STK31: variants seen among roughly 807,000 people sequenced by gnomAD.
STK31 encodes the protein serine/threonine-protein kinase 31.
In STK31, 89 loss-of-function variants were observed where a neutral mutation model predicts 129.7. The ratio of observed to expected loss-of-function variants is 0.69; its 90% confidence interval spans 0.58 to 0.82. STK31 has a LOEUF of 0.82. STK31 is among the 40% of genes least tolerant of loss of function. The pLI, the probability that STK31 is intolerant of heterozygous loss-of-function variation, is 0.00. For synonymous variants in STK31, 448 were observed against 395.3 expected (o/e 1.13, Z -1.58); for missense variants, 1,187 against 1,176.4 (o/e 1.01, Z -0.13).
intron 23 of STK31, among the ~76,000 whole-genome samples, chr7:23,819,200 G>T (rs1793643773): frequency 6.6e-6 from 1 of 152,030 alleles, no homozygotes; most frequent in African/African-American, 2.4e-5. Flanking sequence ...TTAATTGTTT[G>T]CACCTAGGGA....
chr7:23,751,318 A>G (rs1360261377), intron 8 of STK31, among the ~76,000 whole-genome samples: 2 of 152,200 alleles, frequency 1.3e-5, no homozygotes. Flanking sequence ...GTGCTGCAGT[A>G]AACTTAGGAG....
chr7:23,774,622 TG>T (rs766766996), intron 15 of STK31, among the ~76,000 whole-genome samples: 3 of 152,222 alleles, frequency 2.0e-5, no homozygotes, highest in East Asian at 3.9e-4. Flanking sequence ...CACTTTTTGA[TG>T]GGATTGTTTT....
In STK31 at chr7:23,727,375, A is replaced by AT. The variant is rs978110236; in HGVS notation, c.324+63dup. 24 of 1,483,024 alleles carry AT rather than the reference A, an allele frequency of 1.6e-5. No homozygotes were observed. In the African/African-American group the frequency reaches 2.2e-4, roughly 14 times the overall value. The allele number at this position is 1,483,024 out of a possible 1,614,324, so 91.9% of individuals were successfully genotyped here. On this transcript the variant is annotated intron_variant, in intron 5 of 23. Coordinates refer to ENST00000355870, the MANE Select transcript of STK31 (RefSeq NM_031414.5). ...AAGAAATATTTATTGTGGTTCAAAA[A>AT]TTTGATGCTTATTTAGCCCTTCATT...
intron 23 of STK31, among the ~76,000 whole-genome samples, chr7:23,831,304 A>G (rs763406626): frequency 2.0e-5 from 3 of 152,166 alleles, no homozygotes; most frequent in African/African-American, 7.2e-5. Flanking sequence ...ATCCATGTAT[A>G]TGTTTAGAAT....
intron 22 of STK31, among the ~76,000 whole-genome samples, chr7:23,802,426 G>T (rs1792433843): frequency 6.6e-6 from 1 of 152,184 alleles, no homozygotes; most frequent in African/African-American, 2.4e-5. Flanking sequence ...CTTCACTGTG[G>T]TGCCTAGATA....
At chr7:23,827,334 C>G (rs1425688282) in intron 23 of STK31, among the ~76,000 whole-genome samples, 1 of 152,146 alleles carries the variant, frequency 6.6e-6, no homozygotes, top group Admixed American at 6.5e-5. Flanking sequence ...CTTCACACTT[C>G]ATTTCATTCA....
chr7:23,789,181 ATT>A (rs1262594709), intron 21 of STK31, among the ~76,000 whole-genome samples: 1 of 150,780 alleles, frequency 6.6e-6, no homozygotes, highest in African/African-American at 2.4e-5. Flanking sequence ...GATGCACCAC[ATT>A]TTGTTTATAT....
At chr7:23,825,040 A>T (rs201930273) in intron 23 of STK31, among the ~76,000 whole-genome samples, 1 of 151,916 alleles carries the variant, frequency 6.6e-6, no homozygotes, top group East Asian at 1.9e-4. Flanking sequence ...GTTCATCAAG[A>T]ATATTGGTCT....
intron 23 of STK31, among the ~76,000 whole-genome samples, chr7:23,829,784 T>A (rs903650520): frequency 6.6e-6 from 1 of 152,218 alleles, no homozygotes; most frequent in African/African-American, 2.4e-5. Flanking sequence ...TGGGAGACTT[T>A]CTCTTACTGA....
At chr7:23,736,626 G>A (rs940514897) in intron 7 of STK31, among the ~76,000 whole-genome samples, 1 of 151,940 alleles carries the variant, frequency 6.6e-6, no homozygotes, top group Non-Finnish European at 1.5e-5. Context: ...AACTAATACA[G>A]AAATGCTTTT....
chr7:23,764,074 A>G (rs1789656889), intron 11 of STK31, among the ~76,000 whole-genome samples: 1 of 152,230 alleles, frequency 6.6e-6, no homozygotes, highest in East Asian at 1.9e-4. Context: ...ATGATGCACC[A>G]CATGGCTTAA....
intron 22 of STK31, among the ~76,000 whole-genome samples, chr7:23,799,506 A>G (rs59353417): frequency 0.15 from 23,000 of 152,136 alleles, 2,030 homozygotes; most frequent in Non-Finnish European, 0.21. Context: ...AGGATTCCCT[A>G]TTTAATAAAT....
At chr7:23,719,694 C>A (rs1432279817) in intron 4 of STK31, among the ~76,000 whole-genome samples, 3 of 152,096 alleles carry the variant, frequency 2.0e-5, no homozygotes, top group African/African-American at 7.2e-5. Flanking sequence ...AAAACAGATA[C>A]CTTCCATGAA....
chr7:23,805,216 C>G (rs1404732205), intron 22 of STK31, among the ~76,000 whole-genome samples: 1 of 152,022 alleles, frequency 6.6e-6, no homozygotes, highest in African/African-American at 2.4e-5. Context: ...GCTGGGATTA[C>G]AGGCGCACGC....
At chr7:23,770,653 C>G (rs371103389) in intron 13 of STK31, among the ~76,000 whole-genome samples, 1 of 151,670 alleles carries the variant, frequency 6.6e-6, no homozygotes, top group Non-Finnish European at 1.5e-5. Context: ...CTTGCTCTGT[C>G]GCCCAGGCTG....
intron 4 of STK31, among the ~76,000 whole-genome samples, chr7:23,719,821 A>G (rs1177138027): frequency 2.6e-5 from 4 of 152,130 alleles, no homozygotes; most frequent in Non-Finnish European, 5.9e-5. Context: ...TTTTGAAACA[A>G]TATCTGAATC....
Position 23,818,363 on chromosome 7 carries a change from C to T in STK31, c.2829+3151C>T, listed in dbSNP as rs376424563. On this transcript the variant is annotated intron_variant, in intron 23 of 23. Coordinates refer to ENST00000355870, the MANE Select transcript of STK31 (RefSeq NM_031414.5). ...TACAGAGGTTAATTAAATTTACATT[C>T]AGTTTTTACAGGCAGTATATTTTAT... Among the ~76,000 whole-genome samples the T allele has an allele frequency of 2.0e-4, 30 of 152,174 alleles. 2 individuals are homozygous for T. In the East Asian group the frequency reaches 3.3e-3, roughly 17 times the overall value.
At chr7:23,809,538 C>G (rs971084166) in intron 22 of STK31, among the ~76,000 whole-genome samples, 1 of 152,100 alleles carries the variant, frequency 6.6e-6, no homozygotes, top group Non-Finnish European at 1.5e-5. Context: ...CCAAAATCTG[C>G]GCAAAGTCCC....
At chr7:23,821,037 T>C (rs1276670750) in intron 23 of STK31, among the ~76,000 whole-genome samples, 2 of 152,170 alleles carry the variant, frequency 1.3e-5, no homozygotes, top group Non-Finnish European at 2.9e-5. Flanking sequence ...CTTTTTATTT[T>C]GATGAATATC....
Sources: gnomAD v4.1 joint callset for allele counts (sites outside exome capture counted in the v4.1 genomes callset) on GRCh38, gnomAD v4.1.1 for gene constraint, MANE v1.5 for transcripts, NCBI Gene and HGNC (gene_info 2026-07-23, HGNC 2026-07-21) for gene names.